TTC7A: variants seen among roughly 807,000 people sequenced by gnomAD.
TTC7A encodes the protein tetratricopeptide repeat domain 7A, also known as tetratricopeptide repeat protein 7A.
In TTC7A, 110 loss-of-function variants were observed where a neutral mutation model predicts 103.7. The observed-to-expected ratio is 1.06, with a 90% CI of 0.91 to 1.24. The LOEUF is 1.24. Among genes scored for constraint, TTC7A ranks in the 50% most tolerant of loss-of-function variants. The pLI is 0.00. For synonymous variants in TTC7A, 521 were observed against 467.9 expected, an observed-to-expected ratio of 1.11 and a Z score of -1.47; for missense variants, 1,340 against 1,116.3, an observed-to-expected ratio of 1.20 and a Z score of -2.86.
chr2:47,021,356 A>G (rs899731243), intron 11 of TTC7A, among the ~76,000 whole-genome samples: 1 of 152,166 alleles, frequency 6.6e-6, no homozygotes, highest in Non-Finnish European at 1.5e-5. Flanking sequence ...TGTGACCCAT[A>G]CGGGTTGGTC....
At chr2:47,009,776 A>C (rs902161665) in intron 10 of TTC7A, among the ~76,000 whole-genome samples, 1 of 152,002 alleles carries the variant, frequency 6.6e-6, no homozygotes, top group African/African-American at 2.4e-5. Flanking sequence ...TCATAGTTAC[A>C]CACAGGTACC....
At chr2:46,945,855 G>A (rs1670890556) in intron 1 of TTC7A, among the ~76,000 whole-genome samples, 1 of 152,192 alleles carries the variant, frequency 6.6e-6, no homozygotes. Context: ...CTTGGCTGTG[G>A]TTGGCAGGTC....
chr2:47,070,670 G>C (rs138418704), intron 19 of TTC7A, among the ~76,000 whole-genome samples: 1 of 152,226 alleles, frequency 6.6e-6, no homozygotes, highest in Non-Finnish European at 1.5e-5. Context: ...GAGCACTTGA[G>C]ATGTGGCCAC....
At chr2:46,996,314 TG>T (rs1398870153) in intron 8 of TTC7A, among the ~76,000 whole-genome samples, 3 of 152,260 alleles carry the variant, frequency 2.0e-5, no homozygotes, top group African/African-American at 7.2e-5. Flanking sequence ...GCTGGTGAGC[TG>T]GGAACCACCA....
At chr2:46,933,366 G>A (rs1669811275) in intron 2 of TTC7A, among the ~76,000 whole-genome samples, 1 of 152,210 alleles carries the variant, frequency 6.6e-6, no homozygotes, top group Admixed American at 6.5e-5. Context: ...AACATTCTGA[G>A]ATTCTAAAAT....
chr2:47,060,947 T>G lies in TTC7A; in HGVS notation c.2331T>G (p.Asp777Glu). Residue 777 changes from aspartate (D) to glutamate (E), a missense_variant, in exon 19 of 20, where the codon GAT (aspartate) becomes GAG (glutamate). Coordinates refer to ENST00000319190, the MANE Select transcript of TTC7A (RefSeq NM_020458.4). ...LYKEALTVNP[D>E]GVRIMHSLGL... ...AGGAGGCGCTCACGGTGAACCCAGA[T>G]GGCGTGCGCATCATGCATAGCCTGG... 2 of 1,613,596 alleles carry G rather than the reference T, an allele frequency of 1.2e-6. No individual in the cohort carries two copies. The highest frequency in any genetic ancestry group is 1.7e-6 in the Non-Finnish European group (2 of 1,179,800).
At chr2:47,011,777 C>T (rs1003906216) in intron 11 of TTC7A, among the ~76,000 whole-genome samples, 2 of 152,260 alleles carry the variant, frequency 1.3e-5, no homozygotes, top group Admixed American at 6.5e-5. Flanking sequence ...ATTTCTGAGG[C>T]TTCAGATGAC....
chr2:47,025,969 C>T (rs1264299442), intron 14 of TTC7A, among the ~76,000 whole-genome samples: 1 of 152,162 alleles, frequency 6.6e-6, no homozygotes, highest in African/African-American at 2.4e-5. Flanking sequence ...AACGATAAAC[C>T]TTTGGTGATG....
At chr2:46,997,061 C>G (rs921998696) in intron 8 of TTC7A, among the ~76,000 whole-genome samples, 2 of 152,128 alleles carry the variant, frequency 1.3e-5, no homozygotes, top group Non-Finnish European at 2.9e-5. Context: ...TCACTGCAAC[C>G]TCTGTCTCCC....
intron 1 of TTC7A, among the ~76,000 whole-genome samples, chr2:46,942,229 C>T (rs890425271): frequency 6.6e-6 from 1 of 152,194 alleles, no homozygotes; most frequent in Non-Finnish European, 1.5e-5. Flanking sequence ...CCTCAGTTTC[C>T]TCATCTGTGG....
intron 8 of TTC7A, among the ~76,000 whole-genome samples, chr2:46,996,797 T>G (rs941219356): frequency 1.3e-5 from 2 of 152,220 alleles, no homozygotes; most frequent in African/African-American, 2.4e-5. Flanking sequence ...CTTTTTACTT[T>G]TTAAAATGGG....
At chr2:46,997,038 G>C (rs1420691635) in intron 8 of TTC7A, among the ~76,000 whole-genome samples, 2 of 152,078 alleles carry the variant, frequency 1.3e-5, no homozygotes, top group Non-Finnish European at 2.9e-5. Flanking sequence ...GAGTGCAGTG[G>C]TGCGATCCTG....
intron 11 of TTC7A, among the ~76,000 whole-genome samples, chr2:47,013,293 G>C (rs977058697): frequency 5.3e-5 from 8 of 152,190 alleles, no homozygotes; most frequent in African/African-American, 1.7e-4. Flanking sequence ...TTTTGGGGAA[G>C]ACAGTTGGCA....
chr2:46,954,720 C>A (rs1304951281), intron 2 of TTC7A, among the ~76,000 whole-genome samples: 4 of 151,922 alleles, frequency 2.6e-5, no homozygotes, highest in African/African-American at 9.7e-5. Flanking sequence ...TACAGGCGCC[C>A]ACCACCACGC....
In TTC7A at chr2:46,927,449, C is replaced by T. The variant is rs574061472; in HGVS notation, c.82+10172C>T. 6.0e-5 allele frequency among the ~76,000 whole-genome samples: 9 copies of T among 151,126 alleles called. No homozygotes were observed. In the South Asian group the frequency reaches 1.7e-3, roughly 28 times the overall value. ...TCGGCTCACTGCAGGCTCCACCTCCCGGGTTCACACCATTCTCCCACCTCA... is the reference window on the plus strand; with the variant it reads ...TCGGCTCACTGCAGGCTCCACCTCCTGGGTTCACACCATTCTCCCACCTCA... On this transcript the variant is annotated intron_variant, in intron 2 of 20. Coordinates refer to the TTC7A transcript ENST00000409245.
chr2:46,924,773 C>G (rs1241960453), intron 2 of TTC7A, among the ~76,000 whole-genome samples: 1 of 152,148 alleles, frequency 6.6e-6, no homozygotes, highest in Non-Finnish European at 1.5e-5. Flanking sequence ...ACTACAGGCA[C>G]ACTGCCAGCA....
At chr2:46,989,014 C>T (rs1167294607) in intron 5 of TTC7A, among the ~76,000 whole-genome samples, 1 of 152,178 alleles carries the variant, frequency 6.6e-6, no homozygotes, top group Non-Finnish European at 1.5e-5. Context: ...AGCCTGTCTC[C>T]CTCACCAGCC....
intron 18 of TTC7A, among the ~76,000 whole-genome samples, chr2:47,055,241 C>T (rs1315245236): frequency 6.6e-6 from 1 of 152,162 alleles, no homozygotes; most frequent in Non-Finnish European, 1.5e-5. Context: ...AGCTAATCCC[C>T]CTGGTTTGGT....
intron 2 of TTC7A, among the ~76,000 whole-genome samples, chr2:46,930,507 T>TC (rs1478512385): frequency 6.7e-6 from 1 of 150,030 alleles, no homozygotes; most frequent in Non-Finnish European, 1.5e-5. Context: ...ATTTTTTTTT[T>TC]TTTTTTTTTT....
Sources: gnomAD v4.1 joint callset for allele counts (sites outside exome capture counted in the v4.1 genomes callset) on GRCh38, gnomAD v4.1.1 for gene constraint, MANE v1.5 for transcripts, NCBI Gene and HGNC (gene_info 2026-07-23, HGNC 2026-07-21) for gene names.